Variants in MACROD2 observed in about 807,000 individuals in gnomAD.
MACROD2 encodes the protein ADP-ribose glycohydrolase MACROD2.
In MACROD2, 36 loss-of-function variants were observed where a neutral mutation model predicts 70.4. The ratio of observed to expected loss-of-function variants is 0.51; its 90% confidence interval spans 0.39 to 0.68. The LOEUF is 0.68. Among genes scored for constraint, MACROD2 ranks in the 30% least tolerant of loss-of-function variants. MACROD2 has a pLI of 0.00. For synonymous variants in MACROD2, 172 were observed against 178.8 expected (o/e 0.96, Z 0.30); for missense variants, 496 against 538.4 (o/e 0.92, Z 0.78).
At chr20:15,443,340 A>T (rs887959426) in intron 7 of MACROD2, among the ~76,000 whole-genome samples, 4 of 152,110 alleles carry the variant, frequency 2.6e-5, no homozygotes, top group African/African-American at 9.7e-5. Context: ...TATGAATATG[A>T]ATCTAAATCT....
intron 3 of MACROD2, among the ~76,000 whole-genome samples, chr20:14,186,840 C>A (rs1008078320): frequency 6.6e-6 from 1 of 152,112 alleles, no homozygotes. Context: ...TGAACTAACA[C>A]AGAAATAGAA....
chr20:14,333,464 A>C lies in MACROD2; in HGVS notation c.272-160015A>C, dbSNP rs1326228455. Among the ~76,000 whole-genome samples the C allele has an allele frequency of 4.6e-5, 7 of 152,184 alleles. No individual in the cohort carries two copies. The East Asian group carries it at 1.3e-3, about 29-fold the overall frequency. ...CAAAGTAAATGAATTAGAGAACAAG[A>C]GTTGTAAGAACGAGTAAGATATTAA... On this transcript the variant is annotated intron_variant, in intron 3 of 17. Transcript: ENST00000684519.
chr20:15,817,888 T>G (rs980986991), intron 8 of MACROD2, among the ~76,000 whole-genome samples: 1 of 152,182 alleles, frequency 6.6e-6, no homozygotes, highest in African/African-American at 2.4e-5. Context: ...TCCTTCAGCC[T>G]TACTTCTTGT....
At chr20:15,861,238 A>G (rs1200770847) in intron 8 of MACROD2, among the ~76,000 whole-genome samples, 1 of 152,216 alleles carries the variant, frequency 6.6e-6, no homozygotes, top group Non-Finnish European at 1.5e-5. Flanking sequence ...TCCTTTTGCA[A>G]CTTGTTGCTG....
chr20:14,222,555 AC>A (rs2081685604), intron 3 of MACROD2, among the ~76,000 whole-genome samples: 3 of 152,090 alleles, frequency 2.0e-5, no homozygotes, highest in Non-Finnish European at 2.9e-5. Context: ...GGTGATGGAT[AC>A]CCTAAAAACC....
intron 7 of MACROD2, among the ~76,000 whole-genome samples, chr20:15,492,105 C>G (rs2047239251): frequency 6.6e-6 from 1 of 152,176 alleles, no homozygotes; most frequent in Non-Finnish European, 1.5e-5. Flanking sequence ...CAGTGTCACT[C>G]TTATTACTTC....
intron 8 of MACROD2, among the ~76,000 whole-genome samples, chr20:15,544,529 G>A (rs2048001557): frequency 6.6e-6 from 1 of 152,204 alleles, no homozygotes; most frequent in South Asian, 2.1e-4. Flanking sequence ...TTCCTGGCAT[G>A]TTATTCACCT....
At chr20:15,923,498 A>T (rs1177087904) in intron 10 of MACROD2, among the ~76,000 whole-genome samples, 1 of 152,202 alleles carries the variant, frequency 6.6e-6, no homozygotes, top group African/African-American at 2.4e-5. Flanking sequence ...GGCACAGCCA[A>T]ACCATATCAC....
chr20:15,335,763 A>C (rs2078041595), intron 6 of MACROD2, among the ~76,000 whole-genome samples: 1 of 151,686 alleles, frequency 6.6e-6, no homozygotes, highest in Non-Finnish European at 1.5e-5. Context: ...GCACAGACAC[A>C]CATACACACA....
At position 15,283,231 on chromosome 20, in the gene MACROD2, C is replaced by A. The variant is rs148781835; in HGVS notation, c.540+53170C>A. 4.4e-3 allele frequency among the ~76,000 whole-genome samples: 664 copies of A among 152,238 alleles called. 7 individuals are homozygous for A. Among genetic ancestry groups the A allele is most frequent in the African/African-American group, 0.015 (641 of 41,532 alleles). ...GAGCCAAACCATATCAGCCCCAGAC[C>A]CTAATTAATCTTGAACCTGAAATAA... On this transcript the variant is annotated intron_variant, in intron 6 of 17. Coordinates refer to ENST00000684519, the MANE Select transcript of MACROD2 (RefSeq NM_001351661.2).
chr20:15,349,557 A>C (rs4814359), intron 6 of MACROD2, among the ~76,000 whole-genome samples: 94,212 of 151,724 alleles, frequency 0.62, 29,354 homozygotes, highest in East Asian at 0.75. Flanking sequence ...GAGTTTGAGA[A>C]CACCCTGACC....
intron 2 of MACROD2, among the ~76,000 whole-genome samples, chr20:14,029,389 C>T (rs1280185705): frequency 2.0e-5 from 3 of 152,088 alleles, no homozygotes; most frequent in Non-Finnish European, 4.4e-5. Context: ...TGAGGCTTTC[C>T]TCCTTCCCCC....
chr20:14,169,866 T>C (rs150816254), intron 3 of MACROD2, among the ~76,000 whole-genome samples: 111 of 152,210 alleles, frequency 7.3e-4, no homozygotes, highest in African/African-American at 2.6e-3. Flanking sequence ...TATCCTCTCT[T>C]CTTAAGAGGT....
At chr20:16,044,026 A>G (rs2067343636) in intron 16 of MACROD2, among the ~76,000 whole-genome samples, 1 of 152,118 alleles carries the variant, frequency 6.6e-6, no homozygotes, top group South Asian at 2.1e-4. Flanking sequence ...GTTGCTATAA[A>G]GAAATACCCA....
At chr20:14,058,980 T>C (rs2148654268) in intron 2 of MACROD2, among the ~76,000 whole-genome samples, 1 of 152,322 alleles carries the variant, frequency 6.6e-6, no homozygotes, top group Admixed American at 6.5e-5. Context: ...ACTGCTGGCT[T>C]ATTCATTTAG....
chr20:15,029,600 GC>G (rs2075259158), intron 5 of MACROD2, among the ~76,000 whole-genome samples: 1 of 152,160 alleles, frequency 6.6e-6, no homozygotes, highest in Admixed American at 6.5e-5. Context: ...GAGGTACCAA[GC>G]TTTTCTCAAG....
At chr20:15,536,086 A>T (rs775269364) in intron 8 of MACROD2, among the ~76,000 whole-genome samples, 7 of 152,180 alleles carry the variant, frequency 4.6e-5, no homozygotes, top group Non-Finnish European at 1.0e-4. Flanking sequence ...ATGCAGTTTC[A>T]CCAGCCTTCC....
intron 6 of MACROD2, among the ~76,000 whole-genome samples, chr20:15,349,671 G>A (rs182281814): frequency 1.0e-4 from 15 of 150,730 alleles, no homozygotes; most frequent in East Asian, 7.9e-4. Context: ...CAGGAGAATC[G>A]CTTGAACCTG....
intron 8 of MACROD2, among the ~76,000 whole-genome samples, chr20:15,502,604 A>C (rs905325381): frequency 6.6e-6 from 1 of 152,172 alleles, no homozygotes; most frequent in Admixed American, 6.5e-5. Flanking sequence ...GAAATGGCAG[A>C]CCAATTAAGA....
Sources: gnomAD v4.1 joint callset for allele counts (sites outside exome capture counted in the v4.1 genomes callset) on GRCh38, gnomAD v4.1.1 for gene constraint, MANE v1.5 for transcripts, NCBI Gene and HGNC (gene_info 2026-07-23, HGNC 2026-07-21) for gene names.